SPAG16: variants seen among roughly 807,000 people sequenced by gnomAD.
SPAG16 encodes sperm-associated antigen 16 protein.
A neutral mutation model predicts 80.4 loss-of-function variants in SPAG16; 86 were observed. That is an observed-to-expected ratio of 1.07 (90% CI 0.90 to 1.28). The LOEUF is 1.28. Ranked by LOEUF, SPAG16 falls within the 50% of genes most tolerant of loss-of-function variation. The pLI, the probability that SPAG16 is intolerant of heterozygous loss-of-function variation, is 0.00. For synonymous variants in SPAG16, 294 were observed against 265.9 expected (o/e 1.11, Z -1.03); for missense variants, 870 against 765.3 (o/e 1.14, Z -1.61).
At chr2:214,164,004 G>A (rs1353413921) in intron 15 of SPAG16, among the ~76,000 whole-genome samples, 2 of 151,888 alleles carry the variant, frequency 1.3e-5, no homozygotes, top group Non-Finnish European at 1.5e-5. Flanking sequence ...CAAATACCGG[G>A]TACCATATGT....
chr2:214,276,750 A>G (rs1300817938), intron 15 of SPAG16, among the ~76,000 whole-genome samples: 1 of 152,070 alleles, frequency 6.6e-6, no homozygotes, highest in Non-Finnish European at 1.5e-5. Flanking sequence ...AACCTTGGTG[A>G]ATCTGACAAT....
At chr2:214,387,473 G>T (rs890407675) in intron 15 of SPAG16, among the ~76,000 whole-genome samples, 2 of 152,118 alleles carry the variant, frequency 1.3e-5, no homozygotes, top group African/African-American at 2.4e-5. Flanking sequence ...TTTAACCAAA[G>T]GTGATATTAT....
At chr2:213,284,823 TC>T (rs1276817612) in intron 1 of SPAG16, 1 of 684,204 alleles carries the variant, frequency 1.5e-6, no homozygotes, top group Non-Finnish European at 2.4e-6. Context: ...GCCCAGGGTG[TC>T]CTGTACCTGT....
At chr2:213,724,215 G>A (rs2066653187) in intron 10 of SPAG16, among the ~76,000 whole-genome samples, 3 of 152,208 alleles carry the variant, frequency 2.0e-5, no homozygotes, top group Admixed American at 1.3e-4. Flanking sequence ...GTTTAAGGGT[G>A]AATAAATGGA....
At chr2:213,839,827 C>T (rs1559511909) in intron 10 of SPAG16, among the ~76,000 whole-genome samples, 2 of 151,920 alleles carry the variant, frequency 1.3e-5, no homozygotes, top group Non-Finnish European at 2.9e-5. Flanking sequence ...CATGAGCTAC[C>T]GTTTAAAATA....
At chr2:213,746,790 G>T (rs2067845646) in intron 10 of SPAG16, among the ~76,000 whole-genome samples, 4 of 152,126 alleles carry the variant, frequency 2.6e-5, no homozygotes, top group Admixed American at 2.6e-4. Flanking sequence ...CTGGGCGACA[G>T]AGCAAGACTC....
intron 13 of SPAG16, among the ~76,000 whole-genome samples, chr2:214,047,228 G>A (rs57344108): frequency 0.22 from 32,881 of 151,992 alleles, 3,817 homozygotes; most frequent in East Asian, 0.42. Flanking sequence ...AATATCCAAA[G>A]CTATCCTAAG....
intron 9 of SPAG16, among the ~76,000 whole-genome samples, chr2:213,478,140 G>C (rs1018252938): frequency 6.6e-6 from 1 of 152,154 alleles, no homozygotes; most frequent in Non-Finnish European, 1.5e-5. Flanking sequence ...GTTTTCTGAG[G>C]TCTCCCCAGC....
chr2:213,398,438 T>C (rs1285475817), intron 9 of SPAG16, among the ~76,000 whole-genome samples: 2 of 152,152 alleles, frequency 1.3e-5, no homozygotes, highest in African/African-American at 4.8e-5. Context: ...CCTGCTACCC[T>C]CCCATCTTTT....
At chr2:213,904,054 G>T (rs945171810) in intron 11 of SPAG16, among the ~76,000 whole-genome samples, 6 of 152,094 alleles carry the variant, frequency 3.9e-5, no homozygotes, top group Non-Finnish European at 8.8e-5. Flanking sequence ...TCAGGCTTTT[G>T]GTCAAAGCCA....
intron 10 of SPAG16, among the ~76,000 whole-genome samples, chr2:213,860,340 C>CAG (rs1490798385): frequency 2.5e-5 from 1 of 39,436 alleles, no homozygotes; most frequent in African/African-American, 4.8e-5. Context: ...AAGTCATTTA[C>CAG]AGATATATAT....
intron 8 of SPAG16, 80 bp from the exon 9 acceptor site, chr2:213,374,930 T>C (rs2066810773): frequency 3.1e-6 from 3 of 966,032 alleles, no homozygotes; most frequent in Non-Finnish European, 4.6e-6. Flanking sequence ...ATTGAGGTTT[T>C]GGTTTTCATA....
intron 10 of SPAG16, among the ~76,000 whole-genome samples, chr2:213,715,842 G>GA (rs1468998193): frequency 2.0e-5 from 3 of 152,044 alleles, no homozygotes; most frequent in African/African-American, 4.8e-5. Context: ...GTTAACTACT[G>GA]AAAAAACTAG....
chr2:214,066,747 A>G (rs1020725871), intron 13 of SPAG16, among the ~76,000 whole-genome samples: 6 of 152,230 alleles, frequency 3.9e-5, no homozygotes, highest in African/African-American at 1.4e-4. Context: ...AATTCTCCAT[A>G]TAATGGAAAA....
intron 9 of SPAG16, among the ~76,000 whole-genome samples, chr2:213,483,754 AAT>A (rs1394259392): frequency 6.6e-6 from 1 of 152,216 alleles, no homozygotes; most frequent in African/African-American, 2.4e-5. Flanking sequence ...GTTTTAAAGT[AAT>A]AGTCATTATT....
chr2:213,517,470 A>G (rs912405178), intron 10 of SPAG16, among the ~76,000 whole-genome samples: 1 of 152,214 alleles, frequency 6.6e-6, no homozygotes, highest in Middle Eastern at 3.2e-3. Context: ...CCTAAAATTC[A>G]TATGGAACCA....
At chr2:213,621,708 G>T (rs1270647027) in intron 10 of SPAG16, among the ~76,000 whole-genome samples, 1 of 152,198 alleles carries the variant, frequency 6.6e-6, no homozygotes, top group South Asian at 2.1e-4. Context: ...TACTGCATTT[G>T]TATCCATTAG....
At chr2:214,383,742 ATG>A (rs2126113173) in intron 15 of SPAG16, among the ~76,000 whole-genome samples, 2 of 152,274 alleles carry the variant, frequency 1.3e-5, no homozygotes, top group South Asian at 4.1e-4. Context: ...TGAAAAGTAT[ATG>A]GGAGAGAGAT....
chr2:213,936,066 G>T (rs1009520588), intron 12 of SPAG16, among the ~76,000 whole-genome samples: 1 of 152,112 alleles, frequency 6.6e-6, no homozygotes, highest in Non-Finnish European at 1.5e-5. Flanking sequence ...CAGGAAGGTC[G>T]AGAAAATTCT....
Sources: gnomAD v4.1 joint callset for allele counts (sites outside exome capture counted in the v4.1 genomes callset) on GRCh38, gnomAD v4.1.1 for gene constraint, MANE v1.5 for transcripts, NCBI Gene and HGNC (gene_info 2026-07-23, HGNC 2026-07-21) for gene names.